TTC39C: variants seen among roughly 807,000 people sequenced by gnomAD.
TTC39C encodes tetratricopeptide repeat domain 39C, also known as tetratricopeptide repeat protein 39C.
TTC39C carries 33 observed loss-of-function variants against 76.3 expected under a neutral mutation model. The ratio of observed to expected loss-of-function variants is 0.43; its 90% confidence interval spans 0.33 to 0.58. The LOEUF (loss-of-function observed/expected upper bound fraction) is 0.58, where lower values mean the gene tolerates loss of function less well. TTC39C is among the 20% of genes least tolerant of loss of function. TTC39C has a pLI of 0.04. For synonymous variants in TTC39C, 254 were observed against 260.6 expected (o/e 0.97, Z 0.24); for missense variants, 595 against 701.4 (o/e 0.85, Z 1.71).
chr18:24,022,674 G>T (rs1447761443), intron 1 of TTC39C: 2 of 985,310 alleles, frequency 2.0e-6, no homozygotes, highest in African/African-American at 3.5e-5. Context: ...GTCTTCAGGG[G>T]AGATGTCACC....
At position 24,064,170 on chromosome 18, in the gene TTC39C, C is replaced by T. The variant is rs759066756; in HGVS notation, c.198C>T (p.Ala66=). Reference sequence around the variant, plus strand: ...ATAGCCCACTAATGAGTTTTGGAGCCAGCTTTGTCAGTTTTTTGGTAAGTT... The same window carrying T: ...ATAGCCCACTAATGAGTTTTGGAGCTAGCTTTGTCAGTTTTTTGGTAAGTT... ...RNHSPLMSFG[A]SFVSFLNAMM... The change falls in exon 2 of 14, where the codon GCC becomes GCT. Residue 66 remains alanine, a synonymous_variant. Transcript: ENST00000317571. 1.9e-6 allele frequency: 3 copies of T among 1,613,278 alleles called. No individual in the cohort carries two copies. In the African/African-American group the frequency reaches 4.0e-5, roughly 22 times the overall value.
At chr18:24,041,636 G>A (rs1456972934) in intron 1 of TTC39C, among the ~76,000 whole-genome samples, 11 of 152,108 alleles carry the variant, frequency 7.2e-5, no homozygotes, top group Admixed American at 7.2e-4. Flanking sequence ...GCCCTGATTT[G>A]CTTTAGCTAT....
intron 6 of TTC39C, among the ~76,000 whole-genome samples, chr18:24,089,853 G>C (rs954240926): frequency 6.6e-6 from 1 of 152,068 alleles, no homozygotes; most frequent in Non-Finnish European, 1.5e-5. Context: ...GGTTGTTGCA[G>C]TGTGTCCTTC....
At chr18:24,122,053 G>A (rs183231750) in intron 8 of TTC39C, among the ~76,000 whole-genome samples, 4 of 152,232 alleles carry the variant, frequency 2.6e-5, no homozygotes, top group African/African-American at 7.2e-5. Context: ...GGAACCTGCC[G>A]TCTTTCCCAT....
intron 10 of TTC39C, among the ~76,000 whole-genome samples, chr18:24,125,848 C>T (rs930173301): frequency 3.9e-5 from 6 of 152,060 alleles, no homozygotes; most frequent in African/African-American, 9.7e-5. Context: ...TTTTTCTCCC[C>T]GAGAGTACTT....
chr18:24,073,915 T>G (rs781283906), intron 4 of TTC39C, among the ~76,000 whole-genome samples: 4 of 152,246 alleles, frequency 2.6e-5, no homozygotes, highest in Non-Finnish European at 4.4e-5. Flanking sequence ...CATGTCTGCC[T>G]AAAGTATTAG....
chr18:24,012,938 A>G (rs1044861997), upstream of TTC39C: 1 of 152,212 alleles, frequency 6.6e-6, no homozygotes, highest in Non-Finnish European at 1.5e-5. Context: ...GGGATCTGGC[A>G]TTCAGTGCTG....
At chr18:24,000,739 T>C (rs1402664391) in intron 1 of TTC39C, among the ~76,000 whole-genome samples, 1 of 152,168 alleles carries the variant, frequency 6.6e-6, no homozygotes, top group Non-Finnish European at 1.5e-5. Context: ...CAGCACTTGG[T>C]TCAATGCCCT....
chr18:24,028,086 T>C (rs568545190), intron 1 of TTC39C, among the ~76,000 whole-genome samples: 31 of 152,306 alleles, frequency 2.0e-4, no homozygotes, highest in Non-Finnish European at 4.0e-4. Context: ...ACTCATTACT[T>C]TGAGTTATCA....
intron 1 of TTC39C, among the ~76,000 whole-genome samples, chr18:23,998,318 G>A (rs2083284991): frequency 6.6e-6 from 1 of 152,102 alleles, no homozygotes; most frequent in South Asian, 2.1e-4. Context: ...AGACCTACTG[G>A]AACCTAATTT....
chr18:23,994,691 T>A (rs938392762), intron 1 of TTC39C, among the ~76,000 whole-genome samples: 69 of 152,170 alleles, frequency 4.5e-4, no homozygotes, highest in African/African-American at 1.6e-3. Context: ...CAGGGCTGTA[T>A]CTTGGACGGC....
chr18:24,006,451 A>G (rs2083352781), intron 1 of TTC39C: 1 of 152,160 alleles, frequency 6.6e-6, no homozygotes, highest in East Asian at 1.9e-4. Context: ...AAATTTGTTC[A>G]CATCGTTTTA....
intron 6 of TTC39C, among the ~76,000 whole-genome samples, chr18:24,093,545 C>T (rs1240707443): frequency 6.0e-5 from 9 of 151,074 alleles, no homozygotes; most frequent in African/African-American, 1.9e-4. Flanking sequence ...TCTTTTTCTT[C>T]GGATATAAGC....
intron 6 of TTC39C, among the ~76,000 whole-genome samples, chr18:24,100,549 T>C (rs988506410): frequency 3.3e-5 from 5 of 152,194 alleles, no homozygotes; most frequent in African/African-American, 1.2e-4. Context: ...TTGGCTGTAA[T>C]GACAGTGGCA....
Position 24,066,119 on chromosome 18 carries a change from C to G in TTC39C, c.324C>G (p.Ile108Met), listed in dbSNP as rs2084163929. The G allele has an allele frequency of 6.3e-7, 1 of 1,596,932 alleles. No homozygotes were observed. Among genetic ancestry groups the G allele is most frequent in the Non-Finnish European group, 8.5e-7 (1 of 1,175,846 alleles). Residue 108 changes from isoleucine to methionine, a missense_variant, in exon 3 of 14, where the codon ATC becomes ATG. Physicochemically the swap from Ile to Met is conservative, Grantham distance 10 (BLOSUM62 1). Transcript: ENST00000317571. Reference sequence around the variant, plus strand: ...AAGAGGCTGGAGTAATTGAAACAATCAAGAATAAAATTAAGAAGAACGTAA... The same window carrying G: ...AAGAGGCTGGAGTAATTGAAACAATGAAGAATAAAATTAAGAAGAACGTAA... ...ESEEAGVIET[I>M]KNKIKKNVDV...
chr18:24,114,533 C>G (rs765804942), intron 6 of TTC39C, 21 bp from the exon 7 acceptor site: 1 of 1,580,448 alleles, frequency 6.3e-7, no homozygotes, highest in East Asian at 2.2e-5. Flanking sequence ...GCTGGTAATT[C>G]TGTTTTCCTT....
intron 11 of TTC39C, 33 bp from the exon 12 acceptor site, chr18:24,130,280 G>C: frequency 8.4e-7 from 1 of 1,195,938 alleles, no homozygotes. Flanking sequence ...GTAGGAAAAT[G>C]AATTCATCCA....
intron 8 of TTC39C, among the ~76,000 whole-genome samples, chr18:24,123,380 C>CT (rs59549395): frequency 1.5e-5 from 2 of 129,780 alleles, no homozygotes; most frequent in African/African-American, 5.0e-5. Context: ...GTGGAACAGT[C>CT]TTTTTTTTGT....
intron 5 of TTC39C, 58 bp from the exon 6 acceptor site, chr18:24,082,855 A>G (rs952447669): frequency 2.6e-5 from 39 of 1,500,410 alleles, no homozygotes; most frequent in African/African-American, 5.6e-5. Context: ...AGTTTTGAAA[A>G]ATGGAAATGG....
Sources: gnomAD v4.1 joint callset for allele counts (sites outside exome capture counted in the v4.1 genomes callset) on GRCh38, gnomAD v4.1.1 for gene constraint, MANE v1.5 for transcripts, NCBI Gene and HGNC (gene_info 2026-07-23, HGNC 2026-07-21) for gene names.